Variants in MUSK observed in about 807,000 individuals in gnomAD.
MUSK encodes muscle, skeletal receptor tyrosine-protein kinase.
MUSK carries 55 observed loss-of-function variants against 88.7 expected under a neutral mutation model. The observed-to-expected ratio is 0.62, with a 90% CI of 0.50 to 0.78. MUSK has a LOEUF of 0.78. Ranked by LOEUF, MUSK falls within the 30% of genes least tolerant of loss-of-function variation. The pLI, the probability that MUSK is intolerant of heterozygous loss-of-function variation, is 0.00. For synonymous variants in MUSK, 387 were observed against 391.9 expected (o/e 0.99, Z 0.15); for missense variants, 1,015 against 1,074.3 (o/e 0.94, Z 0.77).
intron 14 of MUSK, among the ~76,000 whole-genome samples, chr9:110,799,996 T>G (rs774169243): frequency 2.0e-5 from 3 of 152,160 alleles, no homozygotes; most frequent in Non-Finnish European, 4.4e-5. Context: ...CATGTACTTA[T>G]ATGCACCATG....
At chr9:110,769,191 G>A (rs2077529902) in intron 9 of MUSK, among the ~76,000 whole-genome samples, 1 of 152,082 alleles carries the variant, frequency 6.6e-6, no homozygotes, top group Non-Finnish European at 1.5e-5. Context: ...AACCAACACA[G>A]CACATTTCCA....
chr9:110,672,185 A>G (rs1340718349), intron 1 of MUSK, among the ~76,000 whole-genome samples: 1 of 152,218 alleles, frequency 6.6e-6, no homozygotes, highest in African/African-American at 2.4e-5. Flanking sequence ...AGGAGCAGAA[A>G]TTTCAAGATC....
chr9:110,688,009 A>G (rs962558671), intron 3 of MUSK, among the ~76,000 whole-genome samples: 1 of 151,954 alleles, frequency 6.6e-6, no homozygotes, highest in African/African-American at 2.4e-5. Context: ...AAGCTGTTCT[A>G]TTTTCTCCAC....
Position 110,715,900 on chromosome 9 carries a change from T to C in MUSK, c.629-18351T>C, listed in dbSNP as rs977563850. 1.3e-5 allele frequency among the ~76,000 whole-genome samples: 2 copies of C among 149,228 alleles called. 1 individual carries two copies. The highest frequency in any genetic ancestry group is 5.1e-5 in the African/African-American group (2 of 39,030). ...AAAACCAAACACCACATGTTGTCAC[T>C]TATAAGTGGGAGCTGAACGATGAGA... On this transcript the variant is annotated intron_variant, in intron 5 of 14. Coordinates refer to ENST00000374448, the MANE Select transcript of MUSK (RefSeq NM_005592.4).
At position 110,737,997 on chromosome 9, in the gene MUSK, T is replaced by G. The variant is rs186786172; in HGVS notation, c.753+3622T>G. Among the ~76,000 whole-genome samples, 424 of 152,236 alleles carry G rather than the reference T, an allele frequency of 2.8e-3. 2 individuals are homozygous for G. Among genetic ancestry groups the G allele is most frequent in the African/African-American group, 9.6e-3 (400 of 41,554 alleles). ...ATTATAGCTCCCAGAGTTCTTCAAT[T>G]ACTTTGCTGACTTTCTTAAAGTTGG... On this transcript the variant is annotated intron_variant, in intron 6 of 14. Transcript: ENST00000374448.
At chr9:110,676,627 C>T (rs1486156442) in intron 1 of MUSK, among the ~76,000 whole-genome samples, 2 of 152,006 alleles carry the variant, frequency 1.3e-5, no homozygotes, top group African/African-American at 2.4e-5. Flanking sequence ...GTTCAGTTCC[C>T]ACTTATAAGT....
chr9:110,747,812 CT>C lies in MUSK; in HGVS notation c.913+14del. The C allele has an allele frequency of 6.2e-7, 1 of 1,613,304 alleles. No individual in the cohort carries two copies. The highest frequency in any genetic ancestry group is 8.5e-7 in the Non-Finnish European group (1 of 1,179,396). The stretch of plus-strand genomic sequence containing the variant: ...CATCAGCATAGCAGGTAGGATGCCC[CT>C]TCACATTTGCGTTGTTCCAGGAGAG... On this transcript the variant is annotated intron_variant, in intron 7 of 14. Coordinates refer to ENST00000374448, the MANE Select transcript of MUSK (RefSeq NM_005592.4).
intron 4 of MUSK, among the ~76,000 whole-genome samples, chr9:110,695,741 A>T (rs528096945): frequency 5.9e-5 from 9 of 152,220 alleles, no homozygotes; most frequent in African/African-American, 2.2e-4. Context: ...GGAACCAATA[A>T]TGTTAAAGAT....
At chr9:110,736,164 T>A (rs1444647506) in intron 6 of MUSK, among the ~76,000 whole-genome samples, 1 of 152,086 alleles carries the variant, frequency 6.6e-6, no homozygotes, top group East Asian at 1.9e-4. Flanking sequence ...CACAAAAAAA[T>A]GACAAATTAC....
At chr9:110,689,995 A>G (rs1274218262) in intron 3 of MUSK, among the ~76,000 whole-genome samples, 1 of 11,720 alleles carries the variant, frequency 8.5e-5, no homozygotes, top group Non-Finnish European at 1.7e-4. Flanking sequence ...TTATAATTAT[A>G]TATTATATAT....
chr9:110,669,096 G>A (rs1039983244), intron 1 of MUSK, 113 bp downstream of exon 1: 3 of 933,578 alleles, frequency 3.2e-6, no homozygotes, highest in Non-Finnish European at 5.3e-6. Flanking sequence ...TTTACTTGAA[G>A]AAGTAAGGGT....
chr9:110,685,402 A>G (rs944255000), intron 2 of MUSK, among the ~76,000 whole-genome samples: 1 of 152,130 alleles, frequency 6.6e-6, no homozygotes, highest in Non-Finnish European at 1.5e-5. Flanking sequence ...ATCCCAAATC[A>G]TCAAGTCCTG....
At chr9:110,702,911 TA>T (rs1407554757) in intron 5 of MUSK, among the ~76,000 whole-genome samples, 1 of 136,254 alleles carries the variant, frequency 7.3e-6, no homozygotes, top group Non-Finnish European at 1.7e-5. Context: ...AAAATAATAA[TA>T]AAAAACCTAC....
At chr9:110,670,458 G>T (rs1279533329) in intron 1 of MUSK, among the ~76,000 whole-genome samples, 1 of 152,082 alleles carries the variant, frequency 6.6e-6, no homozygotes, top group Admixed American at 6.6e-5. Context: ...TGATTTTGAT[G>T]ATTCAAATAA....
At chr9:110,800,226 T>C (rs1286130594) in intron 14 of MUSK, 80 bp from the exon 15 acceptor site, 16 of 1,260,754 alleles carry the variant, frequency 1.3e-5, no homozygotes, top group Non-Finnish European at 1.8e-5. Context: ...TGTTCTGACA[T>C]GGTCGTTTGC....
chr9:110,770,638 C>G (rs1196220364), intron 9 of MUSK, among the ~76,000 whole-genome samples: 6 of 151,156 alleles, frequency 4.0e-5, no homozygotes, highest in African/African-American at 1.5e-4. Context: ...ACTTAGGGCA[C>G]AGAGCTATAT....
intron 1 of MUSK, among the ~76,000 whole-genome samples, chr9:110,671,352 C>T (rs2075954454): frequency 6.6e-6 from 1 of 152,126 alleles, no homozygotes; most frequent in African/African-American, 2.4e-5. Flanking sequence ...CTATTCTTGG[C>T]AGACGGTAAT....
intron 9 of MUSK, chr9:110,775,370 A>G (rs530994006): frequency 3.2e-4 from 77 of 240,722 alleles, no homozygotes; most frequent in African/African-American, 1.7e-3. Context: ...CCCCAAGATC[A>G]TAGAAAAATC....
chr9:110,776,222 T>C (rs1412025930), intron 10 of MUSK, among the ~76,000 whole-genome samples: 2 of 152,234 alleles, frequency 1.3e-5, no homozygotes, highest in African/African-American at 2.4e-5. Context: ...GATTCTTTCA[T>C]AGGGAATCTT....
Sources: allele counts gnomAD v4.1 joint callset (sites outside exome capture counted in the v4.1 genomes callset), GRCh38; gene constraint gnomAD v4.1.1; transcripts MANE v1.5; gene names NCBI Gene and HGNC (gene_info 2026-07-23, HGNC 2026-07-21).